The following PARD3B variants were observed in gnomAD, a reference collection of about 807,000 sequenced individuals.
PARD3B encodes the protein partitioning defective 3 homolog B.
Under a neutral mutation model 130.2 loss-of-function variants are expected in PARD3B, and 103 were observed. The ratio of observed to expected loss-of-function variants is 0.79; its 90% CI spans 0.67 to 0.93. The LOEUF is 0.93. PARD3B is among the 40% of genes least tolerant of loss of function. The pLI is 0.00. For missense variants in PARD3B, 1,609 were observed against 1,499.2 expected (o/e 1.07, Z -1.21); for synonymous variants, 583 against 553.2 (o/e 1.05, Z -0.76).
At chr2:204,712,577 G>T (rs911746177) in intron 2 of PARD3B, among the ~76,000 whole-genome samples, 13 of 137,182 alleles carry the variant, frequency 9.5e-5, no homozygotes, top group African/African-American at 3.5e-4. Flanking sequence ...TCACGCCACT[G>T]CACTTTAGCC....
At chr2:204,791,206 A>G (rs2042191386) in intron 2 of PARD3B, among the ~76,000 whole-genome samples, 1 of 152,190 alleles carries the variant, frequency 6.6e-6, no homozygotes, top group Admixed American at 6.5e-5. Flanking sequence ...GACATTGTGG[A>G]CACTGGGGTA....
At chr2:204,825,763 A>G (rs1489306481) in intron 2 of PARD3B, among the ~76,000 whole-genome samples, 1 of 152,218 alleles carries the variant, frequency 6.6e-6, no homozygotes, top group African/African-American at 2.4e-5. Context: ...CGAGTTCTTG[A>G]AAAAGGCCCT....
chr2:204,604,798 C>A (rs549386815), intron 1 of PARD3B, among the ~76,000 whole-genome samples: 1 of 152,232 alleles, frequency 6.6e-6, no homozygotes, highest in African/African-American at 2.4e-5. Context: ...AAATGTATTG[C>A]CTTAACATAT....
chr2:205,030,130 T>C (rs1697316390), intron 3 of PARD3B, among the ~76,000 whole-genome samples: 1 of 152,150 alleles, frequency 6.6e-6, no homozygotes, highest in Non-Finnish European at 1.5e-5. Context: ...TTAAACTGAT[T>C]TTAAGACTCG....
intron 18 of PARD3B, among the ~76,000 whole-genome samples, chr2:205,312,275 C>A (rs1468464630): frequency 6.6e-6 from 1 of 152,128 alleles, no homozygotes; most frequent in Non-Finnish European, 1.5e-5. Flanking sequence ...CACTCATTTC[C>A]CCAAAGGCAA....
rs1173338731 is a variant in PARD3B, at chr2:205,183,731, TGTG to T, written c.1925-2032_1925-2030del. 1.9e-3 allele frequency among the ~76,000 whole-genome samples: 8 copies of T among 4,226 alleles called. No homozygotes were observed. Among genetic ancestry groups the T allele is most frequent in the African/African-American group, 8.1e-3 (8 of 982 alleles). The allele number at this position is 4,226 out of a possible 152,430, so 2.8% of individuals were successfully genotyped here. On this transcript the variant is annotated intron_variant, in intron 13 of 22. Coordinates refer to ENST00000406610, the MANE Select transcript of PARD3B (RefSeq NM_001302769.2). This position sits in a 1 kb window ranked among gnomAD's most constrained non-coding sequence, Gnocchi z 5.2. Reference sequence around the variant, plus strand: ...GTTCTGCAGAGAAACAGAACCAAGTTGTGTGTGTGTGTGTGTGTGTGTGTGTGT... The same window carrying T: ...GTTCTGCAGAGAAACAGAACCAAGTTTGTGTGTGTGTGTGTGTGTGTGTGT...
intron 21 of PARD3B, among the ~76,000 whole-genome samples, chr2:205,520,683 TATACAC>T (rs1305628867): frequency 6.6e-6 from 1 of 151,572 alleles, no homozygotes; most frequent in Non-Finnish European, 1.5e-5. Context: ...ATTTTCTTTC[TATACAC>T]ACACACACAC....
intron 11 of PARD3B, among the ~76,000 whole-genome samples, chr2:205,163,537 T>C (rs966187187): frequency 2.0e-5 from 3 of 152,218 alleles, no homozygotes; most frequent in Non-Finnish European, 4.4e-5. Flanking sequence ...TGTTTAGTAA[T>C]GGGCAAAAGA....
chr2:204,680,007 G>A (rs1296585702), intron 1 of PARD3B, among the ~76,000 whole-genome samples: 1 of 151,970 alleles, frequency 6.6e-6, no homozygotes, highest in Non-Finnish European at 1.5e-5. Context: ...GAGAAAGAGA[G>A]AGACTGGGAT....
At chr2:204,978,052 C>T (rs755729511) in intron 3 of PARD3B, among the ~76,000 whole-genome samples, 7 of 152,130 alleles carry the variant, frequency 4.6e-5, no homozygotes, top group Non-Finnish European at 7.3e-5. Flanking sequence ...CACTGGTCTC[C>T]TGCTGATCCT....
intron 1 of PARD3B, among the ~76,000 whole-genome samples, chr2:204,587,426 G>A (rs189358785): frequency 3.9e-4 from 59 of 152,206 alleles, no homozygotes; most frequent in Non-Finnish European, 7.4e-4. Context: ...AATTGTCCAC[G>A]GATAAATGGA....
At chr2:205,151,614 T>C (rs192292957) in intron 10 of PARD3B, among the ~76,000 whole-genome samples, 151 of 152,290 alleles carry the variant, frequency 9.9e-4, no homozygotes, top group Non-Finnish European at 1.2e-3. Flanking sequence ...TGTTTGTTTG[T>C]TTTCCATTTG....
At chr2:204,954,580 C>T (rs1437304085) in intron 2 of PARD3B, among the ~76,000 whole-genome samples, 2 of 152,180 alleles carry the variant, frequency 1.3e-5, no homozygotes, top group Non-Finnish European at 2.9e-5. Context: ...TCCATATTTG[C>T]AGTCCACTCG....
intron 2 of PARD3B, among the ~76,000 whole-genome samples, chr2:204,774,821 T>G (rs2041544850): frequency 6.6e-6 from 1 of 152,122 alleles, no homozygotes; most frequent in African/African-American, 2.4e-5. Flanking sequence ...TTCTGTCTTC[T>G]TGGGTGTATT....
chr2:205,557,417 G>A (rs888665248), intron 22 of PARD3B, among the ~76,000 whole-genome samples: 1 of 152,096 alleles, frequency 6.6e-6, no homozygotes, highest in Non-Finnish European at 1.5e-5. Flanking sequence ...TTTGCTTTAT[G>A]ACCTTGAGGC....
At chr2:204,697,704 C>T (rs535747473) in intron 2 of PARD3B, among the ~76,000 whole-genome samples, 7 of 152,200 alleles carry the variant, frequency 4.6e-5, no homozygotes, top group African/African-American at 1.4e-4. Flanking sequence ...ACCTCACATC[C>T]GTTGTCCCCT....
chr2:205,044,738 C>T (rs1575625012), intron 3 of PARD3B, among the ~76,000 whole-genome samples: 1 of 152,122 alleles, frequency 6.6e-6, no homozygotes, highest in Non-Finnish European at 1.5e-5. Flanking sequence ...AAAATTTTCT[C>T]CCATTTTGTA....
chr2:204,860,620 A>C (rs2125626133), intron 2 of PARD3B, among the ~76,000 whole-genome samples: 1 of 152,336 alleles, frequency 6.6e-6, no homozygotes, highest in Non-Finnish European at 1.5e-5. Flanking sequence ...CTGCAAGGAA[A>C]GAGAAGAGTT....
chr2:204,738,765 A>G (rs1211873824), intron 2 of PARD3B, among the ~76,000 whole-genome samples: 1 of 152,068 alleles, frequency 6.6e-6, no homozygotes, highest in Non-Finnish European at 1.5e-5. Context: ...TCTCTCTTGC[A>G]TTTCCCTTTC....
Sources: gnomAD v4.1 joint callset for allele counts (sites outside exome capture counted in the v4.1 genomes callset) on GRCh38, gnomAD v4.1.1 for gene constraint, Gnocchi (gnomAD v3.1) non-coding constraint, MANE v1.5 for transcripts, NCBI Gene and HGNC (gene_info 2026-07-23, HGNC 2026-07-21) for gene names.